The following PCDHA4 variants were observed in gnomAD, a reference collection of about 807,000 sequenced individuals.
PCDHA4 encodes protocadherin alpha 4.
PCDHA4 carries 49 observed loss-of-function variants against 61.4 expected under a neutral mutation model. The ratio of observed to expected loss-of-function variants is 0.80; its 90% CI spans 0.63 to 1.01. The LOEUF is 1.01. PCDHA4 is among the 50% of genes least tolerant of loss of function. The pLI is 0.00. For synonymous variants in PCDHA4, 590 were observed against 550.3 expected (o/e 1.07, Z -1.01); for missense variants, 1,254 against 1,235.8 (o/e 1.01, Z -0.22).
chr5:140,861,442 G>T (rs251368), intron 1 of PCDHA4: 232,262 of 488,424 alleles, frequency 0.48, 56,771 homozygotes, highest in South Asian at 0.56. Context: ...TCCAAAAGCC[G>T]CAGAAACCTT....
intron 1 of PCDHA4, among the ~76,000 whole-genome samples, chr5:140,955,465 T>C (rs2095187437): frequency 6.6e-6 from 1 of 152,128 alleles, no homozygotes; most frequent in Non-Finnish European, 1.5e-5. Flanking sequence ...TTTTCCTTTT[T>C]GCTTGGCACC....
chr5:140,888,210 T>G (rs1395913579), intron 1 of PCDHA4, among the ~76,000 whole-genome samples: 1 of 152,080 alleles, frequency 6.6e-6, no homozygotes, highest in East Asian at 1.9e-4. Context: ...ATGCTGGATT[T>G]TGTGTGTGTG....
Position 141,010,647 on chromosome 5 carries a change from GT to G in PCDHA4, c.*714del, listed in dbSNP as rs782752760. ...CATACCTGCAAGCCAACAGTTCAGT[GT>G]TTTAACAGAGAACCACCCTGGGAAA... On this transcript the variant is annotated 3_prime_UTR_variant, in exon 4 of 4. Coordinates refer to ENST00000530339, the MANE Select transcript of PCDHA4 (RefSeq NM_018907.4). 4.6e-5 allele frequency: 8 copies of G among 173,154 alleles called. No homozygotes were observed. Among genetic ancestry groups the G allele is most frequent in the Admixed American group, 1.2e-4 (2 of 16,978 alleles). 10.7% of individuals were successfully genotyped at this position (173,154 alleles called of 1,614,324 possible).
At chr5:140,835,894 T>C in intron 1 of PCDHA4, 1 of 1,612,042 alleles carries the variant, frequency 6.2e-7, no homozygotes, top group Non-Finnish European at 8.5e-7. Context: ...GAGCGCGCGC[T>C]GTCGAGCTAC....
In PCDHA4 at chr5:140,872,829, G is replaced by GA. The variant is rs1562676145; in HGVS notation, c.2385+63263dup. ...AAGTTTTTCAGATTCATCTAGCAGA[G>GA]AAAAAATTAAATATATTAATGTGAG... is the stretch of plus-strand genomic sequence containing the variant. On this transcript the variant is annotated intron_variant, in intron 1 of 3. Transcript: ENST00000530339. Among the ~76,000 whole-genome samples, 5 of 152,156 alleles carry GA rather than the reference G, an allele frequency of 3.3e-5. No homozygotes were observed. The South Asian group carries it at 8.3e-4, about 25-fold the overall frequency.
In PCDHA4 at chr5:140,808,420, T is replaced by TGCCCTGGACCGC; in HGVS notation, c.1235_1246dup (p.Ala412_Arg415dup). Reference sequence around the variant, plus strand: ...ATTACTACTCGTTGGTGCTGGACAGTGCCCTGGACCGCGAGAGCGTGTCAG... The same window carrying TGCCCTGGACCGC: ...ATTACTACTCGTTGGTGCTGGACAGTGCCCTGGACCGCGCCCTGGACCGCGAGAGCGTGTCAG... On this transcript the variant is annotated inframe_insertion, in exon 1 of 4. Coordinates refer to ENST00000530339, the MANE Select transcript of PCDHA4 (RefSeq NM_018907.4). 6.2e-7 allele frequency: 1 copy of TGCCCTGGACCGC among 1,614,142 alleles called. No individual in the cohort carries two copies.
intron 1 of PCDHA4, chr5:140,928,384 C>G (rs246074): frequency 0.52 from 841,304 of 1,613,674 alleles, 221,696 homozygotes; most frequent in African/African-American, 0.71. Flanking sequence ...CTCTAGCTTG[C>G]TGGCAGTGGA....
At chr5:140,859,454 C>G (rs1400169609) in intron 1 of PCDHA4, 1 of 217,780 alleles carries the variant, frequency 4.6e-6, no homozygotes, top group South Asian at 1.1e-4. Context: ...TGCAGAGTGA[C>G]AAAACTACAC....
chr5:140,849,354 C>T (rs2150435747), intron 1 of PCDHA4: 1 of 1,448,176 alleles, frequency 6.9e-7, no homozygotes, highest in Admixed American at 2.0e-5. Flanking sequence ...TGATGTTTCT[C>T]CAGATATAAA....
chr5:140,985,899 C>T (rs1303947192), intron 3 of PCDHA4, among the ~76,000 whole-genome samples: 2 of 152,020 alleles, frequency 1.3e-5, no homozygotes, highest in African/African-American at 4.8e-5. Flanking sequence ...GCCACCACTC[C>T]CGTCTAATTT....
rs782439866 is a variant in PCDHA4, at chr5:140,871,196, A to G, written c.2385+61624A>G. ...GCTGCGCTGGTGGATGTCAACGTGT[A>G]CCTGATCATCGCCATCTGCGTGGTG... On this transcript the variant is annotated intron_variant, in intron 1 of 3. Coordinates refer to ENST00000530339, the MANE Select transcript of PCDHA4 (RefSeq NM_018907.4). 19 of 1,613,546 alleles carry G rather than the reference A, an allele frequency of 1.2e-5. No homozygotes were observed. Among genetic ancestry groups the G allele is most frequent in the Non-Finnish European group, 1.6e-5 (19 of 1,179,946 alleles).
intron 1 of PCDHA4, chr5:140,967,413 A>C: frequency 6.2e-7 from 1 of 1,613,218 alleles, no homozygotes; most frequent in Non-Finnish European, 8.5e-7. Context: ...AAGGGCCTAG[A>C]CCGGGAGCAG....
intron 1 of PCDHA4, among the ~76,000 whole-genome samples, chr5:140,950,427 C>T (rs393858): frequency 0.56 from 85,078 of 151,138 alleles, 24,477 homozygotes; most frequent in African/African-American, 0.69. Flanking sequence ...TTTTCTTCCA[C>T]TTAAAAAAAA....
rs199811254 is a variant in PCDHA4 at position 140,877,222 on chromosome 5, T to C, written c.2385+67650T>C. 9.3e-5 allele frequency: 150 copies of C among 1,613,562 alleles called. No homozygotes were observed. Among genetic ancestry groups the C allele is most frequent in the Admixed American group, 2.2e-4 (13 of 59,972 alleles). Reference sequence around the variant, plus strand: ...CGCAGTTAGCGAGTTGGTACCGCGGTCGGTGGGTGCGGGCCACGTGGTGGC... The same window carrying C: ...CGCAGTTAGCGAGTTGGTACCGCGGCCGGTGGGTGCGGGCCACGTGGTGGC... On this transcript the variant is annotated intron_variant, in intron 1 of 3. Transcript: ENST00000530339.
chr5:140,952,565 C>T (rs1255567969), intron 1 of PCDHA4, among the ~76,000 whole-genome samples: 3 of 152,142 alleles, frequency 2.0e-5, no homozygotes, highest in African/African-American at 4.8e-5. Flanking sequence ...ATCAGCACTT[C>T]GGTCCCAATC....
At chr5:140,909,428 G>A (rs2074488610) in intron 1 of PCDHA4, among the ~76,000 whole-genome samples, 1 of 152,150 alleles carries the variant, frequency 6.6e-6, no homozygotes, top group African/African-American at 2.4e-5. Context: ...TTAAACTTAT[G>A]ATAATCCACT....
chr5:140,971,857 T>G (rs1312639660), intron 1 of PCDHA4, among the ~76,000 whole-genome samples: 12 of 152,198 alleles, frequency 7.9e-5, no homozygotes, highest in African/African-American at 2.9e-4. Flanking sequence ...TAAATATTTG[T>G]TAACATCTAG....
At position 140,836,671 on chromosome 5, in the gene PCDHA4, G is replaced by A. The variant is rs146098956; in HGVS notation, c.2385+27099G>A. The A allele has an allele frequency of 1.4e-5, 22 of 1,613,282 alleles. No individual in the cohort carries two copies. The African/African-American group carries it at 2.8e-4, about 21-fold the overall frequency. On this transcript the variant is annotated intron_variant, in intron 1 of 3. Coordinates refer to ENST00000530339, the MANE Select transcript of PCDHA4 (RefSeq NM_018907.4). ...CGGCAGAGGGTGTGCTCTGGGGAGG[G>A]CCCACCCAAGACAGACCTCATGGCC...
chr5:140,822,885 G>C (rs1554128940), intron 1 of PCDHA4: 45 of 1,614,086 alleles, frequency 2.8e-5, no homozygotes, highest in Non-Finnish European at 3.7e-5. Context: ...TCATTGCTCT[G>C]ATCAGCGTGT....
Sources: allele counts gnomAD v4.1 joint callset (sites outside exome capture counted in the v4.1 genomes callset), GRCh38; gene constraint gnomAD v4.1.1; transcripts MANE v1.5; gene names NCBI Gene and HGNC (gene_info 2026-07-23, HGNC 2026-07-21).